MAGI2: variants seen among roughly 807,000 people sequenced by gnomAD.
MAGI2 encodes the protein membrane associated guanylate kinase, WW and PDZ domain containing 2.
Under a neutral mutation model 133.3 loss-of-function variants are expected in MAGI2, and 35 were observed. That is an observed-to-expected ratio of 0.26 (90% CI 0.20 to 0.35). The LOEUF is 0.35. Ranked by LOEUF, MAGI2 falls within the 10% of genes least tolerant of loss-of-function variation. MAGI2 has a pLI of 1.00. For synonymous variants in MAGI2, 729 were observed against 710.6 expected, an observed-to-expected ratio of 1.03 and a Z score of -0.41; for missense variants, 1,636 against 1,863.4, an observed-to-expected ratio of 0.88 and a Z score of 2.25.
intron 3 of MAGI2, chr7:78,568,438 T>G (rs1486141152): frequency 6.6e-6 from 1 of 152,266 alleles, no homozygotes; most frequent in Non-Finnish European, 1.5e-5. Context: ...CCTCCTAACC[T>G]GCCCATCCTA....
At chr7:78,589,520 G>C (rs1459396029) in intron 3 of MAGI2, among the ~76,000 whole-genome samples, 1 of 152,166 alleles carries the variant, frequency 6.6e-6, no homozygotes, top group East Asian at 1.9e-4. Flanking sequence ...AGGATGAGGA[G>C]ATTTTCCTGA....
intron 1 of MAGI2, among the ~76,000 whole-genome samples, chr7:79,272,502 T>G (rs1834947358): frequency 6.6e-6 from 1 of 152,146 alleles, no homozygotes; most frequent in Non-Finnish European, 1.5e-5. Context: ...AAAGATTTTC[T>G]GCTTTAATCT....
intron 1 of MAGI2, among the ~76,000 whole-genome samples, chr7:79,114,060 G>A (rs970456966): frequency 1.3e-5 from 2 of 152,026 alleles, no homozygotes; most frequent in African/African-American, 4.8e-5. Flanking sequence ...TATTTTATTA[G>A]CAAGCATGTA....
intron 4 of MAGI2, among the ~76,000 whole-genome samples, chr7:78,508,073 G>A (rs1057460635): frequency 3.3e-5 from 5 of 152,192 alleles, no homozygotes; most frequent in Admixed American, 1.3e-4. Flanking sequence ...CATAATTGCA[G>A]TCTTCACATG....
In MAGI2 at chr7:78,809,635, G is replaced by GT. The variant is rs1006858811; in HGVS notation, c.419-182397dup. On this transcript the variant is annotated intron_variant, in intron 2 of 21. Coordinates refer to ENST00000354212, the MANE Select transcript of MAGI2 (RefSeq NM_012301.4). ...ATTTTGGTTTCCCAGTTGCCTTACT[G>GT]TTTTTTTTTTCCTATTACTAAATTT... Among the ~76,000 whole-genome samples the GT allele has an allele frequency of 4.9e-3, 726 of 148,080 alleles. 7 individuals are homozygous for GT. Among genetic ancestry groups the GT allele is most frequent in the African/African-American group, 0.016 (663 of 40,588 alleles).
intron 10 of MAGI2, among the ~76,000 whole-genome samples, chr7:78,208,187 C>G (rs556083846): frequency 7.4e-5 from 10 of 134,600 alleles, no homozygotes; most frequent in African/African-American, 2.2e-4. Flanking sequence ...CTCTGCAATG[C>G]TTTAAAAACG....
At position 79,176,429 on chromosome 7, in the gene MAGI2, T is replaced by C. The variant is rs557343029; in HGVS notation, c.302-169223A>G. ...TCCCTCTGCACAGTATTTCTTCTCTTCTTTTTCACAATGGCATATCTTAAG... is the reference window on the plus strand; with the variant it reads ...TCCCTCTGCACAGTATTTCTTCTCTCCTTTTTCACAATGGCATATCTTAAG... On this transcript the variant is annotated intron_variant, in intron 1 of 21. Transcript: ENST00000354212. Among the ~76,000 whole-genome samples, 137 of 152,178 alleles carry C rather than the reference T, an allele frequency of 9.0e-4. 5 individuals are homozygous for C. Among genetic ancestry groups the C allele is most frequent in the African/African-American group, 3.1e-3 (130 of 41,484 alleles).
intron 1 of MAGI2, among the ~76,000 whole-genome samples, chr7:79,265,618 A>T (rs533536881): frequency 1.3e-5 from 2 of 152,274 alleles, no homozygotes; most frequent in South Asian, 4.1e-4. Context: ...ACAATACAAA[A>T]CTATAGTCTT....
chr7:78,552,205 C>CAG (rs1476283198), intron 3 of MAGI2, among the ~76,000 whole-genome samples: 4 of 96,886 alleles, frequency 4.1e-5, no homozygotes, highest in Non-Finnish European at 5.6e-5. Flanking sequence ...TTTTTTGAGA[C>CAG]AGAGTTTAAC....
intron 16 of MAGI2, among the ~76,000 whole-genome samples, chr7:78,144,280 G>A (rs1409166455): frequency 1.3e-5 from 2 of 152,052 alleles, no homozygotes; most frequent in Non-Finnish European, 2.9e-5. Flanking sequence ...TCTTTCAGCT[G>A]TTTCTTCACA....
intron 6 of MAGI2, among the ~76,000 whole-genome samples, chr7:78,455,059 T>A (rs923765713): frequency 1.3e-5 from 2 of 152,036 alleles, no homozygotes; most frequent in African/African-American, 4.8e-5. Context: ...AAGTAAACAA[T>A]GGACTTTAGT....
intron 15 of MAGI2, among the ~76,000 whole-genome samples, chr7:78,162,855 G>T (rs1825213332): frequency 6.6e-6 from 1 of 152,170 alleles, no homozygotes; most frequent in African/African-American, 2.4e-5. Context: ...TGTCTTTCAG[G>T]GATTGACCCC....
At chr7:79,445,466 C>T (rs190918108) in intron 1 of MAGI2, among the ~76,000 whole-genome samples, 2 of 152,068 alleles carry the variant, frequency 1.3e-5, no homozygotes, top group East Asian at 1.9e-4. Flanking sequence ...AACAAATTTA[C>T]AAGAAAAAAA....
intron 14 of MAGI2, among the ~76,000 whole-genome samples, chr7:78,176,722 C>A (rs926140020): frequency 6.6e-6 from 1 of 151,960 alleles, no homozygotes; most frequent in African/African-American, 2.4e-5. Flanking sequence ...GTGGCACATG[C>A]CTGTAGTCCC....
chr7:79,407,109 T>A (rs1018180422), intron 1 of MAGI2, among the ~76,000 whole-genome samples: 1 of 152,098 alleles, frequency 6.6e-6, no homozygotes, highest in African/African-American at 2.4e-5. Context: ...GGGATAAAAT[T>A]TTTCTATGCG....
At chr7:79,425,590 A>ATATATATG (rs1335947408) in intron 1 of MAGI2, among the ~76,000 whole-genome samples, 1 of 58,686 alleles carries the variant, frequency 1.7e-5, no homozygotes, top group African/African-American at 1.9e-4. Flanking sequence ...ATATATATAT[A>ATATATATG]TATATATATG....
At chr7:78,073,921 G>C (rs1222936069) in intron 21 of MAGI2, among the ~76,000 whole-genome samples, 2 of 152,168 alleles carry the variant, frequency 1.3e-5, no homozygotes, top group Non-Finnish European at 2.9e-5. Context: ...ATGTGTATCA[G>C]GGGAGGGGAA....
chr7:79,027,270 C>A (rs1004670683), intron 1 of MAGI2, among the ~76,000 whole-genome samples: 14 of 151,644 alleles, frequency 9.2e-5, no homozygotes, highest in African/African-American at 2.9e-4. Context: ...TTCACAATAG[C>A]CATTTCATGG....
intron 13 of MAGI2, among the ~76,000 whole-genome samples, 182 bp from the exon 14 acceptor site, chr7:78,178,284 G>A (rs951698154): frequency 6.6e-6 from 1 of 152,160 alleles, no homozygotes; most frequent in Admixed American, 6.6e-5. Context: ...TCCAAATGTA[G>A]GTTGTCCCTG....
Sources: allele counts gnomAD v4.1 joint callset (sites outside exome capture counted in the v4.1 genomes callset), GRCh38; gene constraint gnomAD v4.1.1; transcripts MANE v1.5; gene names NCBI Gene and HGNC (gene_info 2026-07-23, HGNC 2026-07-21).